The following KIAA0825 variants were observed in gnomAD, a reference collection of about 807,000 sequenced individuals.
KIAA0825 encodes uncharacterized protein KIAA0825.
KIAA0825 carries 119 observed loss-of-function variants against 147.6 expected under a neutral mutation model. The observed-to-expected ratio is 0.81, with a 90% CI of 0.69 to 0.94. The LOEUF is 0.94. KIAA0825 is among the 40% of genes least tolerant of loss of function. The pLI is 0.00. For missense variants in KIAA0825, 1,381 were observed against 1,472.7 expected (o/e 0.94, Z 1.02); for synonymous variants, 470 against 518.1 (o/e 0.91, Z 1.26).
chr5:94,218,763 A>G (rs897471978), intron 20 of KIAA0825, among the ~76,000 whole-genome samples: 4 of 152,122 alleles, frequency 2.6e-5, no homozygotes, highest in Non-Finnish European at 5.9e-5. Context: ...TTTCTTCCCA[A>G]TGTCACCTGC....
chr5:94,406,895 C>T, intron 15 of KIAA0825, among the ~76,000 whole-genome samples: 1 of 152,126 alleles, frequency 6.6e-6, no homozygotes, highest in South Asian at 2.1e-4. Context: ...TGGAATCTCC[C>T]TGGAAGAGCA....
chr5:94,330,287 T>C (rs1219567041), intron 20 of KIAA0825, among the ~76,000 whole-genome samples: 1 of 152,168 alleles, frequency 6.6e-6, no homozygotes. Flanking sequence ...AACATTCATT[T>C]CAAGTGCACA....
chr5:94,339,578 G>A (rs1015768569), intron 20 of KIAA0825, among the ~76,000 whole-genome samples: 3 of 152,044 alleles, frequency 2.0e-5, no homozygotes, highest in Non-Finnish European at 2.9e-5. Context: ...CATTCAACAC[G>A]TATTTCTCCA....
chr5:94,572,153 A>G (rs187619949), intron 2 of KIAA0825, among the ~76,000 whole-genome samples: 1 of 151,742 alleles, frequency 6.6e-6, no homozygotes, highest in African/African-American at 2.4e-5. Flanking sequence ...TATTCACTCT[A>G]TGGCAAGAGT....
At chr5:94,453,197 G>C in intron 12 of KIAA0825, 128 bp from the exon 13 acceptor site, 2 of 612,784 alleles carry the variant, frequency 3.3e-6, no homozygotes, top group Non-Finnish European at 5.6e-6. Context: ...TTTGGAGACA[G>C]AGTCTTGCTC....
chr5:94,403,517 A>G, intron 16 of KIAA0825, 52 bp downstream of exon 16: 4 of 1,365,450 alleles, frequency 2.9e-6, no homozygotes, highest in Non-Finnish European at 4.1e-6. Flanking sequence ...TACATACCCT[A>G]GAAAATTGCT....
intron 1 of KIAA0825, among the ~76,000 whole-genome samples, chr5:94,607,259 T>A (rs1787656122): frequency 6.6e-6 from 1 of 152,060 alleles, no homozygotes. Context: ...ACTATTTTTA[T>A]AACAACAAAA....
chr5:94,523,861 T>A (rs910342287), intron 4 of KIAA0825, 69 bp downstream of exon 4: 3 of 1,038,060 alleles, frequency 2.9e-6, no homozygotes, highest in Non-Finnish European at 4.1e-6. Context: ...TATTTACGTA[T>A]AGAAATTGAA....
chr5:94,488,084 C>T (rs541381775), intron 5 of KIAA0825, among the ~76,000 whole-genome samples: 1 of 152,184 alleles, frequency 6.6e-6, no homozygotes, highest in Non-Finnish European at 1.5e-5. Context: ...CCACCAAACC[C>T]GGCTAATTTT....
At chr5:94,399,117 G>T (rs1460785232) in intron 16 of KIAA0825, among the ~76,000 whole-genome samples, 1 of 152,080 alleles carries the variant, frequency 6.6e-6, no homozygotes, top group Non-Finnish European at 1.5e-5. Context: ...CTCAGCACCT[G>T]ATAAAAATAG....
intron 20 of KIAA0825, among the ~76,000 whole-genome samples, chr5:94,321,528 CTGAGA>C (rs1157954229): frequency 6.6e-6 from 1 of 151,924 alleles, no homozygotes; most frequent in Non-Finnish European, 1.5e-5. Flanking sequence ...GATGGTAGAG[CTGAGA>C]TATGAGTCTA....
At chr5:94,513,231 G>A (rs889906084) in intron 5 of KIAA0825, among the ~76,000 whole-genome samples, 3 of 151,946 alleles carry the variant, frequency 2.0e-5, no homozygotes, top group Admixed American at 6.6e-5. Context: ...CAAAAAATGA[G>A]GCTTTTTAAA....
chr5:94,546,344 T>C (rs959137483), intron 2 of KIAA0825, among the ~76,000 whole-genome samples: 4 of 152,144 alleles, frequency 2.6e-5, no homozygotes, highest in African/African-American at 7.2e-5. Flanking sequence ...ACCTGTTGTA[T>C]AGAGATTCCT....
chr5:94,314,769 GATA>G (rs1261845360), intron 20 of KIAA0825, among the ~76,000 whole-genome samples: 2 of 151,576 alleles, frequency 1.3e-5, no homozygotes, highest in East Asian at 3.9e-4. Context: ...TTCTTTTTCT[GATA>G]ATGTTTTTGA....
chr5:94,536,562 C>A (rs1772062973), intron 3 of KIAA0825, among the ~76,000 whole-genome samples: 1 of 152,176 alleles, frequency 6.6e-6, no homozygotes, highest in Non-Finnish European at 1.5e-5. Context: ...TCTAGCATAA[C>A]AACTCTCTAT....
chr5:94,190,498 T>A (rs1400256518), intron 20 of KIAA0825, among the ~76,000 whole-genome samples: 1 of 144,702 alleles, frequency 6.9e-6, no homozygotes, highest in Non-Finnish European at 1.5e-5. Flanking sequence ...GCTATTTTTT[T>A]TTTTTTTTTT....
intron 20 of KIAA0825, among the ~76,000 whole-genome samples, chr5:94,350,833 GA>G (rs1783580013): frequency 6.6e-6 from 1 of 150,686 alleles, no homozygotes; most frequent in East Asian, 1.9e-4. Context: ...ACTGAATGGG[GA>G]AAAGTAGAAA....
At chr5:94,376,453 C>T (rs918224468) in intron 20 of KIAA0825, among the ~76,000 whole-genome samples, 2 of 152,086 alleles carry the variant, frequency 1.3e-5, no homozygotes, top group African/African-American at 2.4e-5. Flanking sequence ...GCTTTATACA[C>T]CATAAAGGAC....
intron 1 of KIAA0825, chr5:94,594,037 G>C: frequency 1.9e-6 from 1 of 520,704 alleles, no homozygotes; most frequent in South Asian, 1.4e-5. Context: ...TGAAGTTTTT[G>C]GAACTTGCGT....
Sources: gnomAD v4.1 joint callset for allele counts (sites outside exome capture counted in the v4.1 genomes callset) on GRCh38, gnomAD v4.1.1 for gene constraint, MANE v1.5 for transcripts, NCBI Gene and HGNC (gene_info 2026-07-23, HGNC 2026-07-21) for gene names.